Variants in FBXO4 observed in about 807,000 individuals in gnomAD.
The protein encoded by FBXO4 is F-box only protein 4.
In FBXO4, 36 loss-of-function variants were observed where a neutral mutation model predicts 43.7. The ratio of observed to expected loss-of-function variants is 0.82; its 90% CI spans 0.63 to 1.09. FBXO4 has a LOEUF of 1.09. Among genes scored for constraint, FBXO4 ranks in the 50% least tolerant of loss-of-function variants. FBXO4 has a pLI of 0.00. For synonymous variants in FBXO4, 180 were observed against 165.6 expected (o/e 1.09, Z -0.67); for missense variants, 435 against 474.1 (o/e 0.92, Z 0.77).
the FBXO4 span, among the ~76,000 whole-genome samples, chr5:41,995,834 A>C: frequency 6.6e-6 from 1 of 152,198 alleles, no homozygotes; most frequent in East Asian, 1.9e-4. Context: ...CCCATGAATC[A>C]GTATATAATC....
At chr5:41,931,171 A>T (rs1177897141) in intron 3 of FBXO4, among the ~76,000 whole-genome samples, 1 of 152,212 alleles carries the variant, frequency 6.6e-6, no homozygotes, top group Non-Finnish European at 1.5e-5. Context: ...ATTGATTAGA[A>T]GGGGCTAAAG....
chr5:41,965,705 T>G, the FBXO4 span, among the ~76,000 whole-genome samples: 1 of 152,320 alleles, frequency 6.6e-6, no homozygotes, highest in East Asian at 1.9e-4. Flanking sequence ...AGGAGCAATT[T>G]TACACTGTTG....
intron 3 of FBXO4, among the ~76,000 whole-genome samples, chr5:41,930,794 A>T (rs1751665164): frequency 6.6e-6 from 1 of 151,344 alleles, no homozygotes; most frequent in South Asian, 2.1e-4. Context: ...AGCTGGGACT[A>T]CAGGCGCCCA....
At chr5:41,936,681 A>G (rs1751856052) in intron 5 of FBXO4, among the ~76,000 whole-genome samples, 2 of 152,180 alleles carry the variant, frequency 1.3e-5, no homozygotes, top group South Asian at 4.1e-4. Flanking sequence ...CAACAGATGA[A>G]TAGTTCCTTC....
chr5:42,026,336 T>C, the FBXO4 span, among the ~76,000 whole-genome samples: 2 of 151,900 alleles, frequency 1.3e-5, no homozygotes, highest in Admixed American at 6.6e-5. Flanking sequence ...TTCACATTTT[T>C]CACTGTTGGC....
chr5:41,998,364 T>G, the FBXO4 span, among the ~76,000 whole-genome samples: 18 of 152,148 alleles, frequency 1.2e-4, no homozygotes, highest in Admixed American at 1.1e-3. Context: ...TAAGGGTGTA[T>G]CTCCTGAACC....
chr5:42,028,868 T>G, the FBXO4 span, among the ~76,000 whole-genome samples: 1 of 151,916 alleles, frequency 6.6e-6, no homozygotes, highest in Non-Finnish European at 1.5e-5. Context: ...CCTTTTTTTG[T>G]TTTAATTTTT....
chr5:41,969,781 C>A, the FBXO4 span, among the ~76,000 whole-genome samples: 7 of 152,202 alleles, frequency 4.6e-5, no homozygotes, highest in South Asian at 2.1e-4. Flanking sequence ...CAATATATTA[C>A]TTGCTGATGT....
the FBXO4 span, among the ~76,000 whole-genome samples, chr5:42,010,767 C>G: frequency 2.0e-4 from 31 of 152,018 alleles, no homozygotes; most frequent in Non-Finnish European, 2.9e-4. Flanking sequence ...GAGGAACTAC[C>G]ATACTGTTTT....
chr5:41,975,282 T>A, the FBXO4 span, among the ~76,000 whole-genome samples: 1 of 152,356 alleles, frequency 6.6e-6, no homozygotes, highest in East Asian at 1.9e-4. Context: ...CCTGCTGGAA[T>A]TGTCTTTCTA....
the FBXO4 span, among the ~76,000 whole-genome samples, chr5:41,981,614 T>C: frequency 6.6e-6 from 1 of 151,966 alleles, no homozygotes. Context: ...TTGCCAGAAA[T>C]CTTTTCTACC....
the FBXO4 span, among the ~76,000 whole-genome samples, chr5:42,029,257 C>T: frequency 4.4e-3 from 669 of 152,086 alleles, 6 homozygotes; most frequent in African/African-American, 0.015. Flanking sequence ...ACTTTATATA[C>T]GTCATGCCAC....
chr5:42,004,757 G>T, the FBXO4 span, among the ~76,000 whole-genome samples: 378 of 152,222 alleles, frequency 2.5e-3, no homozygotes, highest in African/African-American at 8.6e-3. Context: ...ACCACAAGAA[G>T]TTTCTACGCT....
At chr5:42,031,329 A>G in the FBXO4 span, among the ~76,000 whole-genome samples, 1 of 152,236 alleles carries the variant, frequency 6.6e-6, no homozygotes, top group African/African-American at 2.4e-5. Flanking sequence ...GAAACTGGAA[A>G]CCATCATTCT....
chr5:41,986,445 G>A, the FBXO4 span, among the ~76,000 whole-genome samples: 2 of 152,102 alleles, frequency 1.3e-5, no homozygotes, highest in Non-Finnish European at 1.5e-5. Flanking sequence ...GAAGGATTGA[G>A]TTATTTTCAG....
At chr5:42,008,700 C>T in the FBXO4 span, among the ~76,000 whole-genome samples, 1 of 152,114 alleles carries the variant, frequency 6.6e-6, no homozygotes, top group Non-Finnish European at 1.5e-5. Context: ...TTAATATTAT[C>T]ATGTTTTTCT....
At chr5:41,929,433 A>T (rs1751607421) in intron 2 of FBXO4, among the ~76,000 whole-genome samples, 1 of 152,208 alleles carries the variant, frequency 6.6e-6, no homozygotes, top group Non-Finnish European at 1.5e-5. Context: ...TAAATTAAAG[A>T]TTAGAAAGTA....
At chr5:42,001,309 A>G in the FBXO4 span, among the ~76,000 whole-genome samples, 1 of 152,110 alleles carries the variant, frequency 6.6e-6, no homozygotes, top group Non-Finnish European at 1.5e-5. Context: ...GGCTCACTGC[A>G]AGCTCCACCT....
At chr5:41,981,445 A>AT in the FBXO4 span, among the ~76,000 whole-genome samples, 1 of 151,080 alleles carries the variant, frequency 6.6e-6, no homozygotes, top group South Asian at 2.1e-4. Flanking sequence ...AAGATTATGG[A>AT]TTTTTTGGGT....
Sources: allele counts gnomAD v4.1 joint callset (sites outside exome capture counted in the v4.1 genomes callset), GRCh38; gene constraint gnomAD v4.1.1; transcripts MANE v1.5; gene names NCBI Gene and HGNC (gene_info 2026-07-23, HGNC 2026-07-21).